Variants in TNRC6A observed in about 807,000 individuals in gnomAD.
TNRC6A encodes trinucleotide repeat containing adaptor 6A.
Under a neutral mutation model 221.2 loss-of-function variants are expected in TNRC6A, and 44 were observed. The observed-to-expected ratio is 0.20, with a 90% CI of 0.16 to 0.26. TNRC6A has a LOEUF of 0.26. TNRC6A is among the 10% of genes least tolerant of loss of function. The pLI, the probability that TNRC6A is intolerant of heterozygous loss-of-function variation, is 1.00. For synonymous variants in TNRC6A, 847 were observed against 838.5 expected (o/e 1.01, Z -0.18); for missense variants, 2,199 against 2,404.4 (o/e 0.91, Z 1.79).
At chr16:24,745,026 A>T (rs1040910265) in intron 2 of TNRC6A, among the ~76,000 whole-genome samples, 2 of 152,080 alleles carry the variant, frequency 1.3e-5, no homozygotes, top group African/African-American at 4.8e-5. Flanking sequence ...CATTTTATGG[A>T]TATATCCATT....
chr16:24,769,652 G>A (rs1304443013), intron 4 of TNRC6A, among the ~76,000 whole-genome samples: 1 of 152,024 alleles, frequency 6.6e-6, no homozygotes, highest in Non-Finnish European at 1.5e-5. Flanking sequence ...CTCTCTCCAT[G>A]CCAGCTGTAG....
chr16:24,819,075 G>A (rs1189589730), intron 21 of TNRC6A, among the ~76,000 whole-genome samples: 2 of 152,158 alleles, frequency 1.3e-5, no homozygotes, highest in Non-Finnish European at 2.9e-5. Context: ...TGAATTGCTA[G>A]GAAAATGATG....
chr16:24,674,097 G>T (rs2055359449), intron 2 of TNRC6A, among the ~76,000 whole-genome samples: 1 of 152,050 alleles, frequency 6.6e-6, no homozygotes, highest in African/African-American at 2.4e-5. Context: ...TTGAGACAGG[G>T]TTTGGCTGTG....
chr16:24,633,005 G>C (rs1265080267), intron 1 of TNRC6A, among the ~76,000 whole-genome samples: 2 of 109,518 alleles, frequency 1.8e-5, no homozygotes, highest in African/African-American at 6.8e-5. Context: ...GCAAAACTCA[G>C]TCTCGAAAAA....
chr16:24,624,132 G>T (rs1038732313), intron 1 of TNRC6A, among the ~76,000 whole-genome samples: 9 of 152,160 alleles, frequency 5.9e-5, no homozygotes, highest in African/African-American at 1.9e-4. Flanking sequence ...ACAACTCGGG[G>T]TAAGTCCACT....
chr16:24,799,326 A>C (rs2058284714), intron 11 of TNRC6A, among the ~76,000 whole-genome samples: 1 of 152,082 alleles, frequency 6.6e-6, no homozygotes, highest in South Asian at 2.1e-4. Context: ...GATCATCCCA[A>C]CCCTTTGACT....
Position 24,708,328 on chromosome 16 carries a change from C to A in TNRC6A, n.403-42398C>A, listed in dbSNP as rs191213815. On this transcript the variant is annotated intron_variant and non_coding_transcript_variant, in intron 2 of 2. Coordinates refer to the TNRC6A transcript ENST00000566108. ...CGATGTCAGCTCACTGCAAGCTCCA[C>A]CTCCCAGGTTCACGCCATTCTCAGG... 1.3e-3 allele frequency among the ~76,000 whole-genome samples: 198 copies of A among 151,824 alleles called. 4 individuals are homozygous for A. In the East Asian group the frequency reaches 0.03, roughly 23 times the overall value.
chr16:24,696,209 G>A (rs879333247), intron 2 of TNRC6A, among the ~76,000 whole-genome samples: 5 of 151,930 alleles, frequency 3.3e-5, no homozygotes, highest in African/African-American at 9.7e-5. Context: ...TTAGCTGGGC[G>A]TGGTGGCGGG....
chr16:24,630,343 C>T (rs1901268515), intron 1 of TNRC6A, among the ~76,000 whole-genome samples: 1 of 152,100 alleles, frequency 6.6e-6, no homozygotes, highest in African/African-American at 2.4e-5. Context: ...TCATTTCCAT[C>T]AGCATCTGGA....
At chr16:24,696,221 G>A (rs973429964) in intron 2 of TNRC6A, among the ~76,000 whole-genome samples, 10 of 151,760 alleles carry the variant, frequency 6.6e-5, no homozygotes, top group South Asian at 4.2e-4. Context: ...GGTGGCGGGC[G>A]CCTGTAGTCC....
In TNRC6A at chr16:24,823,085, G is replaced by C. The variant is rs535758031; in HGVS notation, c.5513+72G>C. 1.2e-6 allele frequency: 2 copies of C among 1,600,928 alleles called. No individual in the cohort carries two copies. The highest frequency in any genetic ancestry group is 2.7e-5 in the African/African-American group (2 of 74,872). On this transcript the variant is annotated intron_variant, in intron 24 of 24. Coordinates refer to ENST00000395799, the MANE Select transcript of TNRC6A (RefSeq NM_014494.4). This position sits in a 1 kb window ranked among gnomAD's most constrained non-coding sequence, Gnocchi z 4.3. ...GTGTGAGAGCACAGCCTGACCCGGG[G>C]CAGTGCACAGGGTCCTGCGTGGGTG...
rs61198955 is a variant in TNRC6A, at chr16:24,712,907, C to CTGTGTGTG, written n.403-37775_403-37768dup. Among the ~76,000 whole-genome samples, 348 of 126,726 alleles carry CTGTGTGTG rather than the reference C, an allele frequency of 2.7e-3. 4 individuals carry two copies. The highest frequency in any genetic ancestry group is 0.011 in the African/African-American group (329 of 31,080). 83.1% of individuals were successfully genotyped at this position (126,726 alleles called of 152,430 possible). The stretch of plus-strand genomic sequence containing the variant: ...AATTTGGGGCCATAGTTATGTGCCA[C>CTGTGTGTG]TGTGTGTGTGTGTGTGTGTGTGTGT... On this transcript the variant is annotated intron_variant and non_coding_transcript_variant, in intron 2 of 2. Coordinates refer to the TNRC6A transcript ENST00000566108.
intron 7 of TNRC6A, 93 bp from the exon 8 acceptor site, chr16:24,794,451 G>A: frequency 7.3e-7 from 1 of 1,378,384 alleles, no homozygotes; most frequent in Non-Finnish European, 9.8e-7. Context: ...TGTTTTCTTA[G>A]GTTCTCTACC....
intron 5 of TNRC6A, among the ~76,000 whole-genome samples, chr16:24,785,205 C>T (rs897735081): frequency 2.0e-5 from 3 of 152,182 alleles, no homozygotes; most frequent in South Asian, 2.1e-4. Context: ...TGCAGATTCC[C>T]TTCTTCACAA....
intron 2 of TNRC6A, among the ~76,000 whole-genome samples, chr16:24,684,351 A>C (rs1039129005): frequency 1.3e-5 from 2 of 151,796 alleles, no homozygotes; most frequent in Non-Finnish European, 2.9e-5. Context: ...CGCTGCAGTG[A>C]GCTGAGATCG....
At chr16:24,746,946 G>C (rs1163039633) in intron 2 of TNRC6A, among the ~76,000 whole-genome samples, 1 of 152,114 alleles carries the variant, frequency 6.6e-6, no homozygotes, top group Non-Finnish European at 1.5e-5. Context: ...TGGCCTCCCA[G>C]ACTCCTGGGA....
chr16:24,701,527 T>C (rs12708663), intron 2 of TNRC6A, among the ~76,000 whole-genome samples: 107,328 of 151,834 alleles, frequency 0.71, 38,713 homozygotes, highest in African/African-American at 0.84. Flanking sequence ...CCACCATGCC[T>C]GGCTAATTTT....
chr16:24,790,156 C>G lies in TNRC6A; in HGVS notation c.1514C>G (p.Ser505Cys), dbSNP rs2058067019. ...TCAGGTATGAATGGCACTTCCCTTT[C>G]TCACCTTAGCAATGGAGAGTCAAAA... ...APSGMNGTSL[S>C]HLSNGESKSG... The change falls in exon 6 of 25, where the codon TCT becomes TGT. Residue 505 changes from serine to cysteine, a missense_variant. This residue lies in a region of TNRC6A where 1,405 missense variants were observed against 1,400.2 expected (regional missense o/e 1.00). Coordinates refer to ENST00000395799, the MANE Select transcript of TNRC6A (RefSeq NM_014494.4). 1.2e-6 allele frequency: 2 copies of G among 1,614,094 alleles called. No individual in the cohort carries two copies. The highest frequency in any genetic ancestry group is 1.7e-6 in the Non-Finnish European group (2 of 1,180,050).
At chr16:24,813,185 T>G (rs1273456135) in intron 18 of TNRC6A, among the ~76,000 whole-genome samples, 1 of 152,138 alleles carries the variant, frequency 6.6e-6, no homozygotes, top group East Asian at 1.9e-4. Flanking sequence ...CCTTGTTTTA[T>G]TTTAGATTCA....
Sources: allele counts gnomAD v4.1 joint callset (sites outside exome capture counted in the v4.1 genomes callset), GRCh38; gene constraint gnomAD v4.1.1; regional missense constraint gnomAD v4.1.1; non-coding constraint Gnocchi (gnomAD v3.1); transcripts MANE v1.5; gene names NCBI Gene and HGNC (gene_info 2026-07-23, HGNC 2026-07-21).